Variants in MSR1 observed in about 807,000 individuals in gnomAD.
The protein encoded by MSR1 is macrophage scavenger receptor 1, also known as macrophage scavenger receptor types I and II.
A neutral mutation model predicts 47.2 loss-of-function variants in MSR1; 53 were observed. That is an observed-to-expected ratio of 1.12 (90% CI 0.90 to 1.41). MSR1 has a LOEUF of 1.41. Ranked by LOEUF, MSR1 falls within the 40% of genes most tolerant of loss-of-function variation. MSR1 has a pLI of 0.00. For synonymous variants in MSR1, 239 were observed against 185.6 expected (o/e 1.29, Z -2.34); for missense variants, 786 against 546.9 (o/e 1.44, Z -4.36).
intron 1 of MSR1, among the ~76,000 whole-genome samples, chr8:16,184,383 G>C (rs529793650): frequency 1.3e-5 from 2 of 152,068 alleles, no homozygotes; most frequent in African/African-American, 2.4e-5. Context: ...GAGTACCTTC[G>C]AGAGTGGGAA....
chr8:16,117,829 T>G (rs1410942647), intron 9 of MSR1, among the ~76,000 whole-genome samples: 3 of 152,104 alleles, frequency 2.0e-5, no homozygotes, highest in Non-Finnish European at 2.9e-5. Flanking sequence ...TTCCACATAG[T>G]GAGTGGAATA....
intron 5 of MSR1, among the ~76,000 whole-genome samples, chr8:16,162,963 T>TAAA (rs1398988699): frequency 1.3e-5 from 2 of 151,822 alleles, no homozygotes; most frequent in African/African-American, 4.8e-5. Context: ...TAAAGTAGAA[T>TAAA]AAACTGTACT....
rs570377844 is a variant in MSR1 at position 16,151,064 on chromosome 8, A to T, written c.899-753T>A. Among the ~76,000 whole-genome samples, 4 of 152,266 alleles carry T rather than the reference A, an allele frequency of 2.6e-5. No individual in the cohort carries two copies. In the East Asian group the frequency reaches 7.7e-4, roughly 29 times the overall value. ...CCAGTGAAATAAAATATTTTATCCT[A>T]GAGTTCAGTAGTTCTTGATAAACTA... On this transcript the variant is annotated intron_variant, in intron 6 of 9. Coordinates refer to ENST00000262101, the MANE Select transcript of MSR1 (RefSeq NM_138715.3).
At chr8:16,170,009 T>C (rs1801434294) in intron 3 of MSR1, among the ~76,000 whole-genome samples, 1 of 152,108 alleles carries the variant, frequency 6.6e-6, no homozygotes. Context: ...TCTAAAGCAA[T>C]ATGTTTTCTA....
intron 8 of MSR1, among the ~76,000 whole-genome samples, chr8:16,131,171 C>A (rs1015409266): frequency 6.6e-6 from 1 of 152,060 alleles, no homozygotes; most frequent in African/African-American, 2.4e-5. Context: ...TTTTAATAAA[C>A]AGCCATTCTG....
At chr8:16,157,593 C>T (rs970893068) in intron 5 of MSR1, among the ~76,000 whole-genome samples, 1 of 151,844 alleles carries the variant, frequency 6.6e-6, no homozygotes, top group Non-Finnish European at 1.5e-5. Context: ...CTGTTTCTAA[C>T]AAAATGTTGG....
chr8:16,165,492 C>A (rs1042118534), intron 4 of MSR1, among the ~76,000 whole-genome samples: 1 of 152,102 alleles, frequency 6.6e-6, no homozygotes, highest in Middle Eastern at 3.4e-3. Context: ...ACCAAATGTT[C>A]TCATCTATTC....
rs1214479832 is a variant in MSR1, at chr8:16,109,062, A to T, written c.*1023T>A. ...ACTGGGTTTCAGGGTAGCTTTTCAC[A>T]CTCTACACTATGGCCCTGGGGATGG... On this transcript the variant is annotated 3_prime_UTR_variant, in exon 10 of 10. Coordinates refer to ENST00000262101, the MANE Select transcript of MSR1 (RefSeq NM_138715.3). 6.6e-6 allele frequency: 1 copy of T among 151,540 alleles called. No homozygotes were observed. The highest frequency in any genetic ancestry group is 1.5e-5 in the Non-Finnish European group (1 of 67,920). 9.4% of individuals were successfully genotyped at this position (151,540 alleles called of 1,614,324 possible).
In MSR1 at chr8:16,109,426, G is replaced by A. The variant is rs1799707289; in HGVS notation, c.*659C>T. The A allele has an allele frequency of 6.6e-6, 1 of 152,150 alleles. No homozygotes were observed. 9.4% of individuals were successfully genotyped at this position (152,150 alleles called of 1,614,324 possible). ...AATTATCTGGACAAATATACTGATG[G>A]TCAGTTTTCTCATATGTCCTGCTTT... On this transcript the variant is annotated 3_prime_UTR_variant, in exon 10 of 10. Coordinates refer to ENST00000262101, the MANE Select transcript of MSR1 (RefSeq NM_138715.3).
At chr8:16,190,726 TC>T (rs1585206199) in intron 1 of MSR1, among the ~76,000 whole-genome samples, 4 of 149,340 alleles carry the variant, frequency 2.7e-5, no homozygotes, top group South Asian at 2.1e-4. Flanking sequence ...TTTCTTTCTT[TC>T]TTTTTGTTTT....
At chr8:16,120,334 G>A in intron 9 of MSR1, 84 bp downstream of exon 9, 7 of 1,412,136 alleles carry the variant, frequency 5.0e-6, no homozygotes, top group Non-Finnish European at 6.0e-6. Context: ...CCGAGATCGC[G>A]CCACTGCACT....
chr8:16,112,504 T>C (rs1033473179), intron 9 of MSR1, among the ~76,000 whole-genome samples: 6 of 152,108 alleles, frequency 3.9e-5, no homozygotes, highest in African/African-American at 1.4e-4. Context: ...TATTTTTATA[T>C]TAATATATTC....
chr8:16,157,905 T>C (rs1801055158), intron 5 of MSR1, among the ~76,000 whole-genome samples: 2 of 151,904 alleles, frequency 1.3e-5, no homozygotes, highest in South Asian at 2.1e-4. Flanking sequence ...TTTTGCAATG[T>C]CTCTATCAAA....
intron 6 of MSR1, among the ~76,000 whole-genome samples, chr8:16,150,890 G>A (rs1019501229): frequency 1.8e-5 from 2 of 113,264 alleles, no homozygotes; most frequent in African/African-American, 6.8e-5. Context: ...ACACACATGC[G>A]ATACACAGAT....
chr8:16,186,118 G>A (rs922969801), intron 1 of MSR1: 1 of 1,479,276 alleles, frequency 6.8e-7, no homozygotes, highest in Non-Finnish European at 9.1e-7. Flanking sequence ...GTATAAAAAT[G>A]AAAGTCCCTG....
At position 16,109,793 on chromosome 8, in the gene MSR1, T is replaced by G. The variant is rs1799715101; in HGVS notation, c.*292A>C. The G allele has an allele frequency of 2.7e-6, 1 of 375,074 alleles. No homozygotes were observed. Among genetic ancestry groups the G allele is most frequent in the Non-Finnish European group, 4.9e-6 (1 of 204,220 alleles). The allele number at this position is 375,074 out of a possible 1,614,324, so 23.2% of individuals were successfully genotyped here. On this transcript the variant is annotated 3_prime_UTR_variant, in exon 10 of 10. Coordinates refer to ENST00000262101, the MANE Select transcript of MSR1 (RefSeq NM_138715.3). ...AGCCAATTACTGGTATGCATTTCTATTACCCTTGGCCTTTGTAATCTGGAA... is the reference window on the plus strand; with the variant it reads ...AGCCAATTACTGGTATGCATTTCTAGTACCCTTGGCCTTTGTAATCTGGAA...
intron 8 of MSR1, among the ~76,000 whole-genome samples, chr8:16,121,920 T>A (rs932991232): frequency 1.3e-5 from 2 of 152,008 alleles, no homozygotes; most frequent in Non-Finnish European, 2.9e-5. Flanking sequence ...AGATTACTGT[T>A]TCAACAAATG....
Position 16,109,618 on chromosome 8 carries a change from A to C in MSR1, c.*467T>G. 5.7e-6 allele frequency: 1 copy of C among 174,544 alleles called. No homozygotes were observed. The highest frequency in any genetic ancestry group is 1.2e-5 in the Non-Finnish European group (1 of 80,728). The allele number at this position is 174,544 out of a possible 1,614,324, so 10.8% of individuals were successfully genotyped here. On this transcript the variant is annotated 3_prime_UTR_variant, in exon 10 of 10. Coordinates refer to ENST00000262101, the MANE Select transcript of MSR1 (RefSeq NM_138715.3). ...GATAACATTCTTATTTTAAAACAATATGTGTGGATTGGAGATTTTGCAATC... is the reference window on the plus strand; with the variant it reads ...GATAACATTCTTATTTTAAAACAATCTGTGTGGATTGGAGATTTTGCAATC...
At chr8:16,115,062 C>A (rs1475943383) in intron 9 of MSR1, among the ~76,000 whole-genome samples, 2 of 151,926 alleles carry the variant, frequency 1.3e-5, no homozygotes, top group Admixed American at 1.3e-4. Context: ...GCCTGTAATC[C>A]CAGCTACTTG....
Sources: gnomAD v4.1 joint callset for allele counts (sites outside exome capture counted in the v4.1 genomes callset) on GRCh38, gnomAD v4.1.1 for gene constraint, MANE v1.5 for transcripts, NCBI Gene and HGNC (gene_info 2026-07-23, HGNC 2026-07-21) for gene names.